BTBD9: variants seen among roughly 807,000 people sequenced by gnomAD.
The protein encoded by BTBD9 is BTB domain containing 9, also known as BTB/POZ domain-containing protein 9.
BTBD9 carries 49 observed loss-of-function variants against 64.3 expected under a neutral mutation model. The observed-to-expected ratio is 0.76, with a 90% CI of 0.61 to 0.97. BTBD9 has a LOEUF of 0.97. BTBD9 is among the 50% of genes least tolerant of loss of function. BTBD9 has a pLI of 0.00. For synonymous variants in BTBD9, 260 were observed against 274.7 expected (o/e 0.95, Z 0.53); for missense variants, 598 against 762.1 (o/e 0.78, Z 2.53).
intron 4 of BTBD9, chr6:38,588,199 T>G: frequency 1.2e-6 from 1 of 834,058 alleles, no homozygotes; most frequent in South Asian, 1.3e-5. Flanking sequence ...CCTCAGCAGT[T>G]CCAAGGATAT....
At chr6:38,201,393 TC>T in intron 9 of BTBD9, among the ~76,000 whole-genome samples, 1 of 152,124 alleles carries the variant, frequency 6.6e-6, no homozygotes, top group Non-Finnish European at 1.5e-5. Context: ...GAATTCAACA[TC>T]CCTTCATAAT....
chr6:38,525,972 G>T (rs1582576763), intron 6 of BTBD9, among the ~76,000 whole-genome samples: 1 of 152,204 alleles, frequency 6.6e-6, no homozygotes, highest in Non-Finnish European at 1.5e-5. Context: ...CCACTTTCTG[G>T]GGAGATATAA....
chr6:38,409,081 C>T (rs1767294796), intron 6 of BTBD9, among the ~76,000 whole-genome samples: 2 of 152,292 alleles, frequency 1.3e-5, no homozygotes, highest in African/African-American at 4.8e-5. Context: ...GAAACCCTGT[C>T]TTCACTAAAA....
intron 9 of BTBD9, chr6:38,193,713 C>CGCT: frequency 1.5e-6 from 1 of 658,208 alleles, no homozygotes; most frequent in Non-Finnish European, 1.9e-6. Context: ...CATCCCTCCT[C>CGCT]CGCTCTCACA....
intron 6 of BTBD9, among the ~76,000 whole-genome samples, chr6:38,523,573 T>G (rs185704109): frequency 1.3e-5 from 2 of 152,278 alleles, no homozygotes; most frequent in East Asian, 3.9e-4. Context: ...GTAGTCTCCC[T>G]GTCTTGCATG....
intron 6 of BTBD9, among the ~76,000 whole-genome samples, chr6:38,462,502 C>A (rs1183523253): frequency 6.6e-6 from 1 of 152,120 alleles, no homozygotes; most frequent in African/African-American, 2.4e-5. Flanking sequence ...GTTCCATTAT[C>A]TTTTATATGA....
chr6:38,183,457 A>G (rs2127476862), intron 10 of BTBD9, among the ~76,000 whole-genome samples: 1 of 152,218 alleles, frequency 6.6e-6, no homozygotes, highest in Middle Eastern at 3.4e-3. Context: ...TGAAGCTGGC[A>G]CCAGTGCCGA....
intron 6 of BTBD9, among the ~76,000 whole-genome samples, chr6:38,363,217 T>C (rs1195138785): frequency 1.3e-5 from 2 of 152,200 alleles, no homozygotes; most frequent in Non-Finnish European, 2.9e-5. Context: ...GCCTCCAGCA[T>C]AGCTGGGACT....
At chr6:38,199,376 T>C (rs1338516282) in intron 9 of BTBD9, among the ~76,000 whole-genome samples, 1 of 152,148 alleles carries the variant, frequency 6.6e-6, no homozygotes, top group African/African-American at 2.4e-5. Context: ...CTACAGATAC[T>C]GAACGACCTT....
In BTBD9 at chr6:38,241,389, T is replaced by C. The variant is rs549440234; in HGVS notation, c.1562+15020A>G. Among the ~76,000 whole-genome samples, 7 of 152,316 alleles carry C rather than the reference T, an allele frequency of 4.6e-5. No individual in the cohort carries two copies. In the East Asian group the frequency reaches 5.8e-4, roughly 13 times the overall value. ...CACGAACTCTCTGGGACAAATTTAATGTGCAACATTGCCTCAAGGTAGAAG... is the reference window on the plus strand; with the variant it reads ...CACGAACTCTCTGGGACAAATTTAACGTGCAACATTGCCTCAAGGTAGAAG... On this transcript the variant is annotated intron_variant, in intron 9 of 10. Transcript: ENST00000481247.
chr6:38,481,374 G>A (rs552956411), intron 6 of BTBD9, among the ~76,000 whole-genome samples: 1 of 152,304 alleles, frequency 6.6e-6, no homozygotes, highest in East Asian at 1.9e-4. Flanking sequence ...ATTCCCAGTT[G>A]ATACTTGGTG....
intron 8 of BTBD9, among the ~76,000 whole-genome samples, chr6:38,281,648 A>T (rs1761516998): frequency 6.6e-6 from 1 of 152,164 alleles, no homozygotes; most frequent in Admixed American, 6.5e-5. Flanking sequence ...TTTGGGCTAG[A>T]CATCTTTTGT....
intron 6 of BTBD9, among the ~76,000 whole-genome samples, chr6:38,478,856 A>T (rs1484047672): frequency 2.6e-5 from 4 of 152,184 alleles, no homozygotes; most frequent in Non-Finnish European, 2.9e-5. Flanking sequence ...TTGTGAGCTA[A>T]AATTCCATTT....
At chr6:38,460,812 G>C (rs758659150) in intron 6 of BTBD9, among the ~76,000 whole-genome samples, 1 of 152,022 alleles carries the variant, frequency 6.6e-6, no homozygotes, top group Non-Finnish European at 1.5e-5. Flanking sequence ...TAGTAGAGAC[G>C]GGGTTTCACC....
chr6:38,605,116 G>A (rs568892719), intron 1 of BTBD9, among the ~76,000 whole-genome samples: 4 of 150,558 alleles, frequency 2.7e-5, no homozygotes, highest in Non-Finnish European at 4.4e-5. Flanking sequence ...GTGTGATCTC[G>A]GCTCACTGCA....
chr6:38,294,980 T>TC (rs1415603759), intron 7 of BTBD9, among the ~76,000 whole-genome samples: 1 of 152,086 alleles, frequency 6.6e-6, no homozygotes, highest in Non-Finnish European at 1.5e-5. Context: ...TTTTTTTTTC[T>TC]CTTTTTTTCC....
At chr6:38,204,645 T>C (rs1762574008) in intron 9 of BTBD9, among the ~76,000 whole-genome samples, 1 of 152,180 alleles carries the variant, frequency 6.6e-6, no homozygotes, top group Non-Finnish European at 1.5e-5. Flanking sequence ...ATGCAAACTC[T>C]GTGAATATAC....
At chr6:38,236,926 G>C (rs545191019) in intron 9 of BTBD9, among the ~76,000 whole-genome samples, 1 of 152,230 alleles carries the variant, frequency 6.6e-6, no homozygotes, top group Non-Finnish European at 1.5e-5. Flanking sequence ...TGTGAGATGA[G>C]AGATGGCTGT....
At chr6:38,266,872 A>C (rs964714269) in intron 8 of BTBD9, among the ~76,000 whole-genome samples, 65 of 152,336 alleles carry the variant, frequency 4.3e-4, no homozygotes, top group African/African-American at 1.6e-3. Flanking sequence ...ATATTTTAAA[A>C]GGTGAAGTCA....
Sources: allele counts gnomAD v4.1 joint callset (sites outside exome capture counted in the v4.1 genomes callset), GRCh38; gene constraint gnomAD v4.1.1; transcripts MANE v1.5; gene names NCBI Gene and HGNC (gene_info 2026-07-23, HGNC 2026-07-21).